CAMTA1: variants seen among roughly 807,000 people sequenced by gnomAD.
CAMTA1 encodes calmodulin-binding transcription activator 1.
Under a neutral mutation model 170.9 loss-of-function variants are expected in CAMTA1, and 27 were observed. That is an observed-to-expected ratio of 0.16 (90% CI 0.12 to 0.22). The LOEUF is 0.22. CAMTA1 is among the 10% of genes least tolerant of loss of function. The pLI, the probability that CAMTA1 is intolerant of heterozygous loss-of-function variation, is 1.00. For synonymous variants in CAMTA1, 833 were observed against 891.5 expected (o/e 0.93, Z 1.17); for missense variants, 1,619 against 2,217.2 (o/e 0.73, Z 5.42).
At chr1:6,794,804 C>T (rs1318722677) in intron 1 of CAMTA1, among the ~76,000 whole-genome samples, 1 of 151,948 alleles carries the variant, frequency 6.6e-6, no homozygotes, top group Non-Finnish European at 1.5e-5. Flanking sequence ...ATGCCACTAG[C>T]CACTTTTAAT....
At chr1:7,272,692 C>CAAAAAAAAAAAAAAAAAAAAAA (rs371588178) in intron 5 of CAMTA1, among the ~76,000 whole-genome samples, 42 of 38,798 alleles carry the variant, frequency 1.1e-3, no homozygotes, top group Non-Finnish European at 1.3e-3. Context: ...TAAACACATG[C>CAAAAAAAAAAAAAAAAAAAAAA]AAAAAAAAAA....
intron 1 of CAMTA1, among the ~76,000 whole-genome samples, chr1:6,814,363 A>G (rs1471488504): frequency 6.6e-6 from 1 of 152,156 alleles, no homozygotes; most frequent in Admixed American, 6.5e-5. Context: ...TCGTGACCAA[A>G]TTCTAGCCAG....
At chr1:7,433,664 C>T (rs150433703) in intron 5 of CAMTA1, among the ~76,000 whole-genome samples, 159 of 152,286 alleles carry the variant, frequency 1.0e-3, no homozygotes, top group African/African-American at 3.7e-3. Flanking sequence ...ACATACTGCA[C>T]GGTTCCATTT....
chr1:7,066,078 T>G (rs954768817), intron 3 of CAMTA1, among the ~76,000 whole-genome samples: 1 of 152,192 alleles, frequency 6.6e-6, no homozygotes, highest in Non-Finnish European at 1.5e-5. Context: ...GAGCTTGACC[T>G]CATACCTGTT....
chr1:7,136,980 C>T (rs1026546115), intron 4 of CAMTA1, among the ~76,000 whole-genome samples: 4 of 152,160 alleles, frequency 2.6e-5, no homozygotes, highest in African/African-American at 7.2e-5. Flanking sequence ...CCTGGCTTTC[C>T]CCTGGCCTTC....
chr1:7,223,403 T>C (rs935003226), intron 4 of CAMTA1, among the ~76,000 whole-genome samples: 1 of 151,858 alleles, frequency 6.6e-6, no homozygotes, highest in South Asian at 2.1e-4. Context: ...TGTGTGTGAG[T>C]GTGTGATGGG....
rs547881734 is a variant in CAMTA1, at chr1:7,135,217, T to C, written c.302+43846T>C. On this transcript the variant is annotated intron_variant, in intron 4 of 22. Transcript: ENST00000303635. Reference sequence around the variant, plus strand: ...GCCCGGCCATCATGGTGAAACCCTGTCTCTACTAAAAATACAAAAAATTAG... The same window carrying C: ...GCCCGGCCATCATGGTGAAACCCTGCCTCTACTAAAAATACAAAAAATTAG... 3.9e-5 allele frequency among the ~76,000 whole-genome samples: 6 copies of C among 152,152 alleles called. No individual in the cohort carries two copies. In the South Asian group the frequency reaches 8.3e-4, roughly 21 times the overall value.
At chr1:7,034,262 A>G (rs1297686768) in intron 3 of CAMTA1, among the ~76,000 whole-genome samples, 2 of 152,018 alleles carry the variant, frequency 1.3e-5, no homozygotes, top group African/African-American at 4.8e-5. Flanking sequence ...GGTTTGAGCA[A>G]TTCTCTGCCT....
intron 3 of CAMTA1, among the ~76,000 whole-genome samples, chr1:7,073,445 G>A (rs1420061277): frequency 1.3e-5 from 2 of 152,130 alleles, no homozygotes; most frequent in Non-Finnish European, 2.9e-5. Flanking sequence ...TCTGAGTCTG[G>A]GTGAGATGAC....
chr1:7,221,606 C>A (rs1473434784), intron 4 of CAMTA1, among the ~76,000 whole-genome samples: 4 of 152,034 alleles, frequency 2.6e-5, no homozygotes, highest in Non-Finnish European at 4.4e-5. Context: ...CCTCTCCAGG[C>A]CCGTGGAATG....
At chr1:6,909,640 G>T (rs1303993113) in intron 3 of CAMTA1, among the ~76,000 whole-genome samples, 1 of 152,242 alleles carries the variant, frequency 6.6e-6, no homozygotes, top group Non-Finnish European at 1.5e-5. Flanking sequence ...AGGGGCCTCT[G>T]CCTGCCTGTG....
At position 6,916,977 on chromosome 1, in the gene CAMTA1, G is replaced by A. The variant is rs574038587; in HGVS notation, c.234+91767G>A. ...TTCTGGAGCTCATAGAAAAGCCCAC[G>A]TAGTCTGTGTGGGGTGGGTCAGGGA... On this transcript the variant is annotated intron_variant, in intron 3 of 22. Coordinates refer to ENST00000303635, the MANE Select transcript of CAMTA1 (RefSeq NM_015215.4). Among the ~76,000 whole-genome samples the A allele has an allele frequency of 1.5e-4, 23 of 152,288 alleles. 1 individual carries two copies. In the South Asian group the frequency reaches 3.1e-3, roughly 21 times the overall value.
chr1:7,357,513 G>A (rs556215928), intron 5 of CAMTA1, among the ~76,000 whole-genome samples: 7 of 152,294 alleles, frequency 4.6e-5, no homozygotes, highest in Admixed American at 2.0e-4. Context: ...TAGGGGTCAC[G>A]ATTTCCATCT....
chr1:7,070,284 A>G (rs1638464884), intron 3 of CAMTA1, among the ~76,000 whole-genome samples: 1 of 152,208 alleles, frequency 6.6e-6, no homozygotes, highest in Non-Finnish European at 1.5e-5. Flanking sequence ...ATTGTACTGC[A>G]CTTTCTGGAC....
intron 5 of CAMTA1, among the ~76,000 whole-genome samples, chr1:7,425,310 G>A (rs11120922): frequency 0.38 from 57,871 of 151,954 alleles, 12,106 homozygotes; most frequent in South Asian, 0.6. Flanking sequence ...GCCCTGAGGA[G>A]AGGCCGCACA....
intron 1 of CAMTA1, among the ~76,000 whole-genome samples, chr1:6,804,981 G>C (rs1433881509): frequency 6.6e-6 from 1 of 152,174 alleles, no homozygotes; most frequent in Non-Finnish European, 1.5e-5. Flanking sequence ...AAATGCTGCT[G>C]TGAACATTTG....
rs17030737 is a variant in CAMTA1 at position 7,365,791 on chromosome 1, T to C, written c.439-102039T>C. On this transcript the variant is annotated intron_variant, in intron 5 of 22. Transcript: ENST00000303635. ...ATCTTGGGGCATAGGGTCCAAGATA[T>C]GGCTTCTCTGCTGACTGATGGAGTC... Among the ~76,000 whole-genome samples, 1,129 of 152,344 alleles carry C rather than the reference T, an allele frequency of 7.4e-3. 9 individuals are homozygous for C. The highest frequency in any genetic ancestry group is 0.026 in the African/African-American group (1,083 of 41,578).
At chr1:7,574,505 G>A (rs896854788) in intron 6 of CAMTA1, among the ~76,000 whole-genome samples, 1 of 152,172 alleles carries the variant, frequency 6.6e-6, no homozygotes, top group Non-Finnish European at 1.5e-5. Flanking sequence ...GCTGACTCAG[G>A]CCGGTCATTT....
intron 3 of CAMTA1, among the ~76,000 whole-genome samples, chr1:6,883,184 G>A (rs868539893): frequency 1.3e-5 from 2 of 152,126 alleles, no homozygotes; most frequent in African/African-American, 2.4e-5. Context: ...GTGAGCCACC[G>A]CGCCCGGACA....
Sources: gnomAD v4.1 joint callset for allele counts (sites outside exome capture counted in the v4.1 genomes callset) on GRCh38, gnomAD v4.1.1 for gene constraint, MANE v1.5 for transcripts, NCBI Gene and HGNC (gene_info 2026-07-23, HGNC 2026-07-21) for gene names.